Variants in PHF21B observed in about 807,000 individuals in gnomAD.
The protein encoded by PHF21B is PHD finger protein 4.
A neutral mutation model predicts 62.2 loss-of-function variants in PHF21B; 22 were observed. That is an observed-to-expected ratio of 0.35 (90% confidence interval 0.25 to 0.51). The LOEUF (loss-of-function observed/expected upper bound fraction) is 0.51. PHF21B is among the 20% of genes least tolerant of loss of function. PHF21B has a pLI of 0.97. For synonymous variants in PHF21B, 341 were observed against 314.7 expected (o/e 1.08, Z -0.88); for missense variants, 701 against 707.9 (o/e 0.99, Z 0.11).
intron 5 of PHF21B, among the ~76,000 whole-genome samples, chr22:44,911,892 C>T (rs2071350272): frequency 6.6e-6 from 1 of 152,188 alleles, no homozygotes. Flanking sequence ...TGCAGACACT[C>T]AACACCAGCC....
intron 2 of PHF21B, among the ~76,000 whole-genome samples, chr22:44,956,322 G>A (rs5766231): frequency 0.71 from 107,448 of 152,138 alleles, 39,827 homozygotes; most frequent in East Asian, 0.89. Context: ...GCAGAGGCCC[G>A]ACCCAGGGGC....
rs1601593550 is a variant in PHF21B at position 44,914,103 on chromosome 22, T to G, written c.565-15A>C. The G allele has an allele frequency of 1.6e-4, 83 of 525,004 alleles. No individual in the cohort carries two copies. Among genetic ancestry groups the G allele is most frequent in the South Asian group, 8.5e-4 (20 of 23,462 alleles). The allele number at this position is 525,004 out of a possible 1,614,324, so 32.5% of individuals were successfully genotyped here. A position where few individuals can be genotyped will look rare whatever the true frequency, so the allele number is the denominator to read the frequency against. On this transcript the variant is annotated splice_polypyrimidine_tract_variant and intron_variant, in intron 4 of 12. Transcript: ENST00000313237. Reference sequence around the variant, plus strand: ...CGTGGAGGAGGCTGGAGAGCGAGGGTGAGGGGCACAGGGAGGAAGGGAAGA... The same window carrying G: ...CGTGGAGGAGGCTGGAGAGCGAGGGGGAGGGGCACAGGGAGGAAGGGAAGA...
At chr22:44,885,287 C>A (rs1281047174) in intron 12 of PHF21B, 139 bp downstream of exon 12, 20 of 749,290 alleles carry the variant, frequency 2.7e-5, no homozygotes, top group Non-Finnish European at 3.9e-5. Flanking sequence ...TGCCTGTCCA[C>A]CAGGCCCTGG....
At chr22:44,930,417 A>G (rs906197951) in intron 2 of PHF21B, among the ~76,000 whole-genome samples, 12 of 152,230 alleles carry the variant, frequency 7.9e-5, no homozygotes, top group Admixed American at 1.3e-4. Flanking sequence ...TTTATAATAA[A>G]TAAATATGCA....
At chr22:44,923,331 CA>C (rs34100382) in intron 2 of PHF21B, among the ~76,000 whole-genome samples, 66,987 of 124,942 alleles carry the variant, frequency 0.54, 15,784 homozygotes, top group East Asian at 0.65. Flanking sequence ...CATACCATAT[CA>C]AAAAAAAAAA....
chr22:44,921,952 C>T (rs755619076), intron 2 of PHF21B, among the ~76,000 whole-genome samples: 70 of 152,330 alleles, frequency 4.6e-4, no homozygotes, highest in Admixed American at 1.4e-3. Flanking sequence ...AGCCACCGCG[C>T]CCGGTCCTGA....
At chr22:44,972,670 T>C (rs1022770915) in intron 2 of PHF21B, among the ~76,000 whole-genome samples, 26 of 152,196 alleles carry the variant, frequency 1.7e-4, no homozygotes, top group African/African-American at 6.3e-4. Context: ...TGTGGGTCCT[T>C]GAAAGCCCTC....
intron 12 of PHF21B, among the ~76,000 whole-genome samples, chr22:44,884,212 TCACCAC>T (rs757061792): frequency 3.3e-5 from 4 of 119,590 alleles, no homozygotes; most frequent in Admixed American, 8.1e-5. Context: ...ATCACCAACG[TCACCAC>T]CACCACCACC....
chr22:44,924,087 G>C (rs1023609076), intron 2 of PHF21B, among the ~76,000 whole-genome samples: 1 of 93,766 alleles, frequency 1.1e-5, no homozygotes. Context: ...GAAGAGGGGA[G>C]GAAGGAGGAG....
intron 10 of PHF21B, among the ~76,000 whole-genome samples, chr22:44,887,413 G>C (rs1039046232): frequency 6.6e-6 from 1 of 152,120 alleles, no homozygotes; most frequent in Non-Finnish European, 1.5e-5. Context: ...AAGATCCAGA[G>C]AATCACACTT....
At chr22:44,974,888 A>G (rs1430417824) in intron 2 of PHF21B, among the ~76,000 whole-genome samples, 1 of 152,230 alleles carries the variant, frequency 6.6e-6, no homozygotes, top group Non-Finnish European at 1.5e-5. Flanking sequence ...TCATATTAAT[A>G]CCACTCAGTA....
chr22:44,977,208 C>T (rs1368454597), intron 2 of PHF21B, among the ~76,000 whole-genome samples: 4 of 151,488 alleles, frequency 2.6e-5, no homozygotes, highest in Admixed American at 2.0e-4. Context: ...GTAACTACTA[C>T]TATTTTGTAT....
intron 5 of PHF21B, among the ~76,000 whole-genome samples, 156 bp from the exon 6 acceptor site, chr22:44,896,239 A>G (rs920021621): frequency 7.2e-5 from 11 of 152,216 alleles, no homozygotes; most frequent in African/African-American, 2.7e-4. Context: ...TTTCTAAGAA[A>G]CGTGGGGAAA....
At chr22:44,964,479 C>T (rs904635914) in intron 2 of PHF21B, among the ~76,000 whole-genome samples, 8 of 147,912 alleles carry the variant, frequency 5.4e-5, no homozygotes, top group Admixed American at 3.9e-4. Context: ...CCCAAACCTC[C>T]GATCTTCAGC....
At chr22:44,973,031 C>T (rs1013823584) in intron 2 of PHF21B, among the ~76,000 whole-genome samples, 33 of 152,216 alleles carry the variant, frequency 2.2e-4, no homozygotes, top group African/African-American at 7.2e-4. Context: ...ACTCCCACTC[C>T]GGGCTCTGAT....
At chr22:44,969,795 C>T (rs2072602449) in intron 2 of PHF21B, among the ~76,000 whole-genome samples, 1 of 152,184 alleles carries the variant, frequency 6.6e-6, no homozygotes, top group South Asian at 2.1e-4. Flanking sequence ...CGCTATCTCA[C>T]CTGATCCTTG....
rs901053818 is a variant in PHF21B, at chr22:44,918,655, G to A, written c.213+1743C>T. On this transcript the variant is annotated intron_variant, in intron 3 of 12. Transcript: ENST00000313237. ...ACAGCAGCAGCTGGTAGCTGGACCC[G>A]GCATGCACTGGACACCTTCTGGCCC... 7.2e-5 allele frequency among the ~76,000 whole-genome samples: 11 copies of A among 152,244 alleles called. No individual in the cohort carries two copies. The East Asian group carries it at 1.5e-3, about 21-fold the overall frequency.
At chr22:44,985,384 C>G (rs1287884067) in intron 2 of PHF21B, among the ~76,000 whole-genome samples, 2 of 152,168 alleles carry the variant, frequency 1.3e-5, no homozygotes, top group Non-Finnish European at 2.9e-5. Context: ...CAAGCTCTAG[C>G]TCATGATACA....
Position 44,885,865 on chromosome 22 carries a change from G to T in PHF21B, c.1271C>A (p.Thr424Lys), listed in dbSNP as rs776659621. 3.7e-6 allele frequency: 6 copies of T among 1,613,978 alleles called. No homozygotes were observed. The South Asian group carries it at 5.5e-5, about 15-fold the overall frequency. Reference sequence around the variant, plus strand: ...TCCACTCCCCAGGGATGCCTCACCTGTCTTGTGGGTGACATAAGAGTGCAC... The same window carrying T: ...TCCACTCCCCAGGGATGCCTCACCTTTCTTGTGGGTGACATAAGAGTGCAC... The part of the protein sequence containing the change: ...AIVHSYVTHK[T>K]VKEEEKQKLL... The change falls in exon 11 of 13, where the codon ACA becomes AAA. Residue 424 changes from threonine (T) to lysine (K), a missense_variant and splice_region_variant. Coordinates refer to ENST00000313237, the MANE Select transcript of PHF21B (RefSeq NM_138415.5).
Sources: allele counts gnomAD v4.1 joint callset (sites outside exome capture counted in the v4.1 genomes callset), GRCh38; gene constraint gnomAD v4.1.1; transcripts MANE v1.5; gene names NCBI Gene and HGNC (gene_info 2026-07-23, HGNC 2026-07-21).